Variants in VSTM2B observed in about 807,000 individuals in gnomAD.
The protein encoded by VSTM2B is V-set and transmembrane domain containing 2B, also known as V-set and transmembrane domain-containing protein 2B.
VSTM2B carries 24 observed loss-of-function variants against 24.0 expected under a neutral mutation model. The ratio of observed to expected loss-of-function variants is 1.00; its 90% CI spans 0.72 to 1.40. The LOEUF is 1.40. VSTM2B is among the 40% of genes most tolerant of loss of function. The pLI is 0.00. For missense variants in VSTM2B, 399 were observed against 416.4 expected (o/e 0.96, Z 0.36); for synonymous variants, 226 against 194.4 (o/e 1.16, Z -1.35).
chr19:29,562,007 G>C (rs191256071), intron 4 of VSTM2B, among the ~76,000 whole-genome samples: 1 of 152,304 alleles, frequency 6.6e-6, no homozygotes, highest in Admixed American at 6.5e-5. Context: ...TGCACACCTG[G>C]AGTTTTGCTG....
At chr19:29,556,430 C>T (rs1350077240) in intron 4 of VSTM2B, among the ~76,000 whole-genome samples, 1 of 152,168 alleles carries the variant, frequency 6.6e-6, no homozygotes, top group Non-Finnish European at 1.5e-5. Context: ...CCAATATCTA[C>T]AGAATGGGCA....
In VSTM2B at chr19:29,530,152, A is replaced by T. The variant is rs1179363063; in HGVS notation, c.631A>T (p.Ile211Phe). ...SPPPGSPPAA[I>F]DPAVPEAAAA... ...GCCGCCCGGGAGCCCTCCCGCCGCC[A>T]TCGATCCCGCAGTCCCCGAGGCCGC... The change falls in exon 4 of 5, where the codon ATC becomes TTC. Residue 211 changes from isoleucine (I) to phenylalanine (F), a missense_variant. Ile to Phe is a conservative substitution (Grantham distance 21). Coordinates refer to ENST00000335523, the MANE Select transcript of VSTM2B (RefSeq NM_001146339.2). 5.4e-6 allele frequency: 8 copies of T among 1,471,248 alleles called. No homozygotes were observed. Among genetic ancestry groups the T allele is most frequent in the Non-Finnish European group, 7.2e-6 (8 of 1,118,244 alleles). The allele number at this position is 1,471,248 out of a possible 1,614,324, so 91.1% of individuals were successfully genotyped here.
chr19:29,555,728 C>T (rs534195853), intron 4 of VSTM2B, among the ~76,000 whole-genome samples: 1 of 152,146 alleles, frequency 6.6e-6, no homozygotes, highest in Non-Finnish European at 1.5e-5. Flanking sequence ...AAGGAGATAT[C>T]ACTACTGACC....
At chr19:29,543,331 T>C (rs1970067179) in intron 4 of VSTM2B, among the ~76,000 whole-genome samples, 1 of 152,184 alleles carries the variant, frequency 6.6e-6, no homozygotes, top group South Asian at 2.1e-4. Context: ...AATGAGCACA[T>C]GTTATAGAAT....
intron 2 of VSTM2B, among the ~76,000 whole-genome samples, chr19:29,527,609 A>G (rs1969617384): frequency 6.6e-6 from 1 of 151,540 alleles, no homozygotes; most frequent in African/African-American, 2.4e-5. Context: ...TGTTCCCACC[A>G]CCTCCCAGAA....
rs987098888 is a variant in VSTM2B at position 29,526,725 on chromosome 19, C to G, written c.82+60C>G. The G allele has an allele frequency of 4.9e-6, 7 of 1,422,590 alleles. No individual in the cohort carries two copies. The highest frequency in any genetic ancestry group is 6.6e-6 in the Non-Finnish European group (7 of 1,053,698). The allele number at this position is 1,422,590 out of a possible 1,614,324, so 88.1% of individuals were successfully genotyped here. On this transcript the variant is annotated intron_variant, in intron 1 of 4. Transcript: ENST00000335523. The surrounding 1 kb of genome is among the most constrained non-coding windows in gnomAD (Gnocchi z 4.1). ...GGGGGGGTCTTTGCTGGGGCCGCCA[C>G]CGAGAAGAAGAAGAAAGAGAACGAA...
chr19:29,549,414 G>A (rs142973367), intron 4 of VSTM2B, among the ~76,000 whole-genome samples: 4 of 127,782 alleles, frequency 3.1e-5, no homozygotes, highest in Non-Finnish European at 6.9e-5. Flanking sequence ...CCCCAGGAGA[G>A]CCTGATACTT....
At chr19:29,555,993 T>A (rs1338662067) in intron 4 of VSTM2B, among the ~76,000 whole-genome samples, 2 of 152,052 alleles carry the variant, frequency 1.3e-5, no homozygotes. Flanking sequence ...AGAGGAGCTG[T>A]TACCATTTCT....
At chr19:29,544,462 C>T (rs1453090182) in intron 4 of VSTM2B, among the ~76,000 whole-genome samples, 1 of 122,622 alleles carries the variant, frequency 8.2e-6, no homozygotes, top group Non-Finnish European at 1.6e-5. Context: ...GGAGGCGGAG[C>T]TTGCAGTGAG....
chr19:29,535,957 G>A (rs1381859433), intron 4 of VSTM2B, among the ~76,000 whole-genome samples: 1 of 152,210 alleles, frequency 6.6e-6, no homozygotes, highest in Non-Finnish European at 1.5e-5. Context: ...AAACAAATCT[G>A]GCAAGGGATG....
At chr19:29,547,860 C>G (rs1970187549) in intron 4 of VSTM2B, among the ~76,000 whole-genome samples, 1 of 152,030 alleles carries the variant, frequency 6.6e-6, no homozygotes, top group Non-Finnish European at 1.5e-5. Context: ...GAGCACATGG[C>G]TGCAGCAGGG....
intron 4 of VSTM2B, among the ~76,000 whole-genome samples, chr19:29,545,946 C>CGG (rs1017126950): frequency 3.6e-4 from 55 of 152,118 alleles, no homozygotes; most frequent in Admixed American, 5.9e-4. Context: ...GACTGGCTTG[C>CGG]GGGGGCTTGG....
Position 29,530,394 on chromosome 19 carries a change from G to T in VSTM2B, c.769+104G>T, listed in dbSNP as rs578135755. The T allele has an allele frequency of 5.3e-4, 565 of 1,070,328 alleles. 1 individual carries two copies. In the African/African-American group the frequency reaches 7.8e-3, roughly 15 times the overall value. The allele number at this position is 1,070,328 out of a possible 1,614,324, so 66.3% of individuals were successfully genotyped here. On this transcript the variant is annotated intron_variant, in intron 4 of 4. Coordinates refer to ENST00000335523, the MANE Select transcript of VSTM2B (RefSeq NM_001146339.2). The stretch of plus-strand genomic sequence containing the variant: ...CGGACCCAGGACCCGCCCCCTGGGC[G>T]CATTTGCATATGCATACTCCTTCCT...
intron 4 of VSTM2B, among the ~76,000 whole-genome samples, chr19:29,552,422 A>G (rs945160667): frequency 6.6e-6 from 1 of 152,218 alleles, no homozygotes; most frequent in Non-Finnish European, 1.5e-5. Context: ...ACCCATGGAG[A>G]GCAAGGAAAA....
In VSTM2B at chr19:29,526,615, G is replaced by A. The variant is rs544624420; in HGVS notation, c.32G>A (p.Gly11Glu). ...CAGCGGAACCGGCTCGGTGCCCTCG[G>A]ATACCTGCCGCCTCTGCTGCTGCAT... Reference protein sequence around the residue: MEQRNRLGALGYLPPLLLHAL... With the variant: MEQRNRLGALEYLPPLLLHAL... Residue 11 changes from glycine to glutamate, a missense_variant, in exon 1 of 5, where the codon GGA becomes GAA. Coordinates refer to ENST00000335523, the MANE Select transcript of VSTM2B (RefSeq NM_001146339.2). This position sits in a 1 kb window ranked among gnomAD's most constrained non-coding sequence, Gnocchi z 4.1. 8 of 1,529,892 alleles carry A rather than the reference G, an allele frequency of 5.2e-6. No individual in the cohort carries two copies. In the South Asian group the frequency reaches 7.2e-5, roughly 14 times the overall value. 94.8% of individuals were successfully genotyped at this position (1,529,892 alleles called of 1,614,324 possible). A position where few individuals can be genotyped will look rare whatever the true frequency, so the allele number is the denominator to read the frequency against.
chr19:29,536,382 G>C (rs370772894), intron 4 of VSTM2B, among the ~76,000 whole-genome samples: 1 of 152,304 alleles, frequency 6.6e-6, no homozygotes, highest in East Asian at 1.9e-4. Flanking sequence ...ACCTTGGAAA[G>C]CTTTCAGATG....
intron 3 of VSTM2B, 58 bp downstream of exon 3, chr19:29,528,520 G>T (rs576184549): frequency 7.8e-6 from 12 of 1,545,894 alleles, no homozygotes; most frequent in East Asian, 2.4e-5. Context: ...CTCGGGTCCC[G>T]CAGCTCCCTC....
At chr19:29,560,950 C>T (rs769437111) in intron 4 of VSTM2B, among the ~76,000 whole-genome samples, 3 of 152,206 alleles carry the variant, frequency 2.0e-5, no homozygotes, top group Admixed American at 1.3e-4. Context: ...CACCTTTAAA[C>T]ACCTCATGCA....
In VSTM2B at chr19:29,530,073, C is replaced by T. The variant is rs1217600995; in HGVS notation, c.552C>T (p.Asn184=). The change falls in exon 4 of 5, where the codon AAC becomes AAT. Residue 184 remains asparagine (N), a synonymous_variant. Transcript: ENST00000335523. ...CAGCCAGCGCCGCCAACGCCAACAA[C>T]GCGGGCGCCGCGAGCCGTACCACCT... ...HGPASAANAN[N]AGAASRTTSE... The T allele has an allele frequency of 1.3e-6, 2 of 1,501,926 alleles. No individual in the cohort carries two copies. The highest frequency in any genetic ancestry group is 1.8e-6 in the Non-Finnish European group (2 of 1,133,656). The allele number at this position is 1,501,926 out of a possible 1,614,324, so 93.0% of individuals were successfully genotyped here.
Sources: gnomAD v4.1 joint callset for allele counts (sites outside exome capture counted in the v4.1 genomes callset) on GRCh38, gnomAD v4.1.1 for gene constraint, Gnocchi (gnomAD v3.1) non-coding constraint, MANE v1.5 for transcripts, NCBI Gene and HGNC (gene_info 2026-07-23, HGNC 2026-07-21) for gene names.